FARP1: variants seen among roughly 807,000 people sequenced by gnomAD.
The protein encoded by FARP1 is FERM, ARHGEF and pleckstrin domain-containing protein 1.
A neutral mutation model predicts 128.8 loss-of-function variants in FARP1; 52 were observed. That is an observed-to-expected ratio of 0.40 (90% CI 0.32 to 0.51). The LOEUF (loss-of-function observed/expected upper bound fraction) is 0.51, where lower values mean the gene tolerates loss of function less well. Ranked by LOEUF, FARP1 falls within the 20% of genes least tolerant of loss-of-function variation. FARP1 has a pLI of 0.45. For synonymous variants in FARP1, 580 were observed against 551.8 expected (o/e 1.05, Z -0.72); for missense variants, 1,333 against 1,367.9 (o/e 0.97, Z 0.40).
rs565588966 is a variant in FARP1 at position 98,294,758 on chromosome 13, T to C, written c.172-49004T>C. On this transcript the variant is annotated intron_variant, in intron 2 of 26. Coordinates refer to ENST00000319562, the MANE Select transcript of FARP1 (RefSeq NM_005766.4). The stretch of plus-strand genomic sequence containing the variant: ...AAGGCCAGGCATGGTGGCTCATGCC[T>C]GTAATCCCAGCCCTTTGGGAGGCTG... 2.0e-3 allele frequency among the ~76,000 whole-genome samples: 303 copies of C among 152,284 alleles called. 2 individuals are homozygous for C. The highest frequency in any genetic ancestry group is 7.0e-3 in the African/African-American group (291 of 41,562).
chr13:98,377,092 A>G (rs1369103074), intron 5 of FARP1, among the ~76,000 whole-genome samples: 3 of 151,942 alleles, frequency 2.0e-5, no homozygotes, highest in Middle Eastern at 3.2e-3. Flanking sequence ...CATGAGGTCA[A>G]GAGATCGAGA....
rs566624714 is a variant in FARP1, at chr13:98,451,332, C to A, written c.*3015C>A. The A allele has an allele frequency of 1.7e-4, 26 of 152,280 alleles. No individual in the cohort carries two copies. Among genetic ancestry groups the A allele is most frequent in the African/African-American group, 5.5e-4 (23 of 41,544 alleles). 9.4% of individuals were successfully genotyped at this position (152,280 alleles called of 1,614,324 possible). On this transcript the variant is annotated 3_prime_UTR_variant, in exon 27 of 27. Transcript: ENST00000319562. ...AACAGTTCCCCACACAGAATACTCCCTGGAAACACAAAATGAAATCTTCTC... is the reference window on the plus strand; with the variant it reads ...AACAGTTCCCCACACAGAATACTCCATGGAAACACAAAATGAAATCTTCTC...
intron 18 of FARP1, chr13:98,432,399 A>C (rs2139061224): frequency 6.6e-6 from 1 of 152,394 alleles, no homozygotes; most frequent in South Asian, 2.1e-4. Flanking sequence ...TCAGAGCCGC[A>C]TTCCAGACCT....
rs1293769884 is a variant in FARP1, at chr13:98,424,660, T to C, written c.1905+10T>C. ...CATTCAGGGCATGAAGGTGAGCTGGTTGAGATTTGGGTGGAGCAAGGTTCA... is the reference window on the plus strand; with the variant it reads ...CATTCAGGGCATGAAGGTGAGCTGGCTGAGATTTGGGTGGAGCAAGGTTCA... On this transcript the variant is annotated intron_variant, in intron 17 of 26. Transcript: ENST00000319562. 1 of 1,600,196 alleles carries C rather than the reference T, an allele frequency of 6.2e-7. No homozygotes were observed. Among genetic ancestry groups the C allele is most frequent in the South Asian group, 1.1e-5 (1 of 90,810 alleles).
chr13:98,182,592 G>C (rs1042205678), intron 1 of FARP1, among the ~76,000 whole-genome samples: 2 of 152,226 alleles, frequency 1.3e-5, no homozygotes, highest in Non-Finnish European at 1.5e-5. Context: ...CTTCCAAAGT[G>C]CTGGGATTAC....
At chr13:98,431,729 G>C (rs989873599) in intron 18 of FARP1, 2 of 153,886 alleles carry the variant, frequency 1.3e-5, no homozygotes, top group African/African-American at 4.8e-5. Context: ...CAAAGTGCTG[G>C]GATTACAGGC....
chr13:98,216,178 T>A (rs765572950), intron 2 of FARP1, among the ~76,000 whole-genome samples: 3 of 152,318 alleles, frequency 2.0e-5, no homozygotes, highest in African/African-American at 7.2e-5. Flanking sequence ...AAGTCACATA[T>A]CAGCATTTTT....
rs929430851 is a variant in FARP1, at chr13:98,454,305, G to A, written c.*5988G>A. On this transcript the variant is annotated 3_prime_UTR_variant, in exon 27 of 27. Coordinates refer to ENST00000319562, the MANE Select transcript of FARP1 (RefSeq NM_005766.4). Reference sequence around the variant, plus strand: ...TTGTCTTCAGAAGACAACAAAGGGTGAGAACGGGGTCCCCTCATGACCACA... The same window carrying A: ...TTGTCTTCAGAAGACAACAAAGGGTAAGAACGGGGTCCCCTCATGACCACA... The A allele has an allele frequency of 6.6e-6, 1 of 152,180 alleles. No homozygotes were observed. Among genetic ancestry groups the A allele is most frequent in the African/African-American group, 2.4e-5 (1 of 41,432 alleles). 9.4% of individuals were successfully genotyped at this position (152,180 alleles called of 1,614,324 possible).
At chr13:98,351,481 A>G (rs184069070) in intron 3 of FARP1, among the ~76,000 whole-genome samples, 115 of 152,106 alleles carry the variant, frequency 7.6e-4, no homozygotes, top group African/African-American at 2.3e-3. Context: ...GCGTGGTGGC[A>G]GGCGCCTGTA....
intron 1 of FARP1, among the ~76,000 whole-genome samples, chr13:98,199,519 G>A (rs1319709379): frequency 6.6e-6 from 1 of 152,306 alleles, no homozygotes; most frequent in East Asian, 1.9e-4. Context: ...TTGAATGATA[G>A]TATACTTTGA....
At chr13:98,260,134 A>C (rs1883803761) in intron 2 of FARP1, among the ~76,000 whole-genome samples, 1 of 152,180 alleles carries the variant, frequency 6.6e-6, no homozygotes, top group Non-Finnish European at 1.5e-5. Context: ...GGTAAATACA[A>C]GTTTTAAAAA....
At chr13:98,380,424 C>T (rs551485189) in intron 6 of FARP1, among the ~76,000 whole-genome samples, 111 of 135,278 alleles carry the variant, frequency 8.2e-4, no homozygotes, top group Non-Finnish European at 1.5e-3. Context: ...GAGACTCTGT[C>T]TAAAAAAAAA....
chr13:98,176,751 C>T lies in FARP1; in HGVS notation c.-24+33259C>T, dbSNP rs1330782099. ...TCCCCGAGGAGGAGTTGCCCATGGA[C>T]GTGTCCTTGGGCTTCAGGTACCTCA... On this transcript the variant is annotated intron_variant, in intron 1 of 26. Coordinates refer to ENST00000319562, the MANE Select transcript of FARP1 (RefSeq NM_005766.4). This position sits in a 1 kb window ranked among gnomAD's most constrained non-coding sequence, Gnocchi z 6.2. 1.9e-6 allele frequency: 3 copies of T among 1,614,042 alleles called. No individual in the cohort carries two copies. The highest frequency in any genetic ancestry group is 2.5e-6 in the Non-Finnish European group (3 of 1,180,022).
chr13:98,410,794 T>C lies in FARP1; in HGVS notation c.1663T>C (p.Tyr555His), dbSNP rs1054560933. The change falls in exon 15 of 27, where the codon TAT becomes CAT. Residue 555 changes from tyrosine (Y) to histidine (H), a missense_variant. By Grantham distance (83) the Tyr-to-His change is moderately conservative. Transcript: ENST00000319562. The part of the protein sequence containing the change: ...AKEVSTTERT[Y>H]LKDLEVITSW... ...GGAAGTGTCTACCACCGAGCGAACA[T>C]ATCTGAAGGATCTCGAAGTTATCAC... The C allele has an allele frequency of 6.2e-7, 1 of 1,600,096 alleles. No individual in the cohort carries two copies. Among genetic ancestry groups the C allele is most frequent in the African/African-American group, 1.3e-5 (1 of 74,692 alleles).
intron 1 of FARP1, among the ~76,000 whole-genome samples, chr13:98,148,893 T>G (rs2071525783): frequency 6.7e-6 from 1 of 149,090 alleles, no homozygotes; most frequent in Non-Finnish European, 1.5e-5. Flanking sequence ...CTCTTTTACT[T>G]TTTTTTTTTT....
chr13:98,234,940 C>G (rs371924218), intron 2 of FARP1, among the ~76,000 whole-genome samples: 4 of 152,118 alleles, frequency 2.6e-5, no homozygotes, highest in African/African-American at 7.2e-5. Flanking sequence ...GCCTTTTAAG[C>G]CAGGGGTTAG....
At chr13:98,263,017 TTG>T (rs144157120) in intron 2 of FARP1, among the ~76,000 whole-genome samples, 4,589 of 150,642 alleles carry the variant, frequency 0.03, 140 homozygotes, top group African/African-American at 0.076. Flanking sequence ...ATTATTATTA[TTG>T]TTTTTTGGGA....
chr13:98,348,859 G>A (rs1888287558), intron 3 of FARP1, among the ~76,000 whole-genome samples: 1 of 152,178 alleles, frequency 6.6e-6, no homozygotes. Context: ...CAATCTCTGT[G>A]GTAGGTATTC....
chr13:98,309,662 A>C (rs1886363677), intron 2 of FARP1, among the ~76,000 whole-genome samples: 1 of 152,180 alleles, frequency 6.6e-6, no homozygotes, highest in Admixed American at 6.5e-5. Context: ...GAACGAAAGG[A>C]GGGAGGAGTT....
Sources: allele counts gnomAD v4.1 joint callset (sites outside exome capture counted in the v4.1 genomes callset), GRCh38; gene constraint gnomAD v4.1.1; non-coding constraint Gnocchi (gnomAD v3.1); transcripts MANE v1.5; gene names NCBI Gene and HGNC (gene_info 2026-07-23, HGNC 2026-07-21).